MEI4: variants seen among roughly 807,000 people sequenced by gnomAD.
MEI4 encodes the protein meiotic double-stranded break formation protein 4, also known as meiosis-specific protein MEI4.
Under a neutral mutation model 31.4 loss-of-function variants are expected in MEI4, and 27 were observed. The ratio of observed to expected loss-of-function variants is 0.86; its 90% CI spans 0.63 to 1.19. MEI4 has a LOEUF of 1.19. Among genes scored for constraint, MEI4 ranks in the 50% most tolerant of loss-of-function variants. The probability of loss-of-function intolerance (pLI) is 0.00; values close to 1 mark genes in which losing one functional copy is unlikely to be tolerated. For synonymous variants in MEI4, 122 were observed against 145.4 expected (o/e 0.84, Z 1.16); for missense variants, 329 against 398.9 (o/e 0.82, Z 1.49).
At position 77,906,345 on chromosome 6, in the gene MEI4, G is replaced by T. The variant is rs186182701; in HGVS notation, c.901-16744G>T. On this transcript the variant is annotated intron_variant, in intron 4 of 4. Transcript: ENST00000684080. ...TTGGTGTTGAAAGATCATGCCTTAT[G>T]GGGTGGGTGTGTACAGCGGTGCTTG... Among the ~76,000 whole-genome samples the T allele has an allele frequency of 1.9e-4, 29 of 152,236 alleles. 1 individual carries two copies. In the East Asian group the frequency reaches 3.1e-3, roughly 16 times the overall value.
rs184025965 is a variant in MEI4, at chr6:77,744,977, C to G, written c.233-16153C>G. On this transcript the variant is annotated intron_variant, in intron 2 of 4. Transcript: ENST00000684080. Reference sequence around the variant, plus strand: ...AAGAGCTCCTGAAGGAAGCACTAAACATGGAAAGGAACAACCGGTACCAGC... The same window carrying G: ...AAGAGCTCCTGAAGGAAGCACTAAAGATGGAAAGGAACAACCGGTACCAGC... Among the ~76,000 whole-genome samples, 265 of 152,266 alleles carry G rather than the reference C, an allele frequency of 1.7e-3. 1 individual carries two copies. The highest frequency in any genetic ancestry group is 6.0e-3 in the African/African-American group (248 of 41,552).
At position 77,885,319 on chromosome 6, in the gene MEI4, G is replaced by A. The variant is rs1170457060; in HGVS notation, c.901-37770G>A. ...TCTCACTTTGGCCTCCCAGGTAGTT[G>A]GGACTACAGGTATGCACCACCATGC... is the stretch of plus-strand genomic sequence containing the variant. On this transcript the variant is annotated intron_variant, in intron 4 of 4. Transcript: ENST00000684080. Among the ~76,000 whole-genome samples, 5 of 151,880 alleles carry A rather than the reference G, an allele frequency of 3.3e-5. No individual in the cohort carries two copies. In the East Asian group the frequency reaches 5.8e-4, roughly 18 times the overall value.
intron 3 of MEI4, among the ~76,000 whole-genome samples, chr6:77,791,978 A>G (rs1178024385): frequency 6.6e-6 from 1 of 152,146 alleles, no homozygotes; most frequent in Admixed American, 6.6e-5. Flanking sequence ...GATAACCACC[A>G]TAGTACTCTT....
chr6:77,797,825 C>G (rs1435411238), intron 3 of MEI4, among the ~76,000 whole-genome samples: 1 of 152,146 alleles, frequency 6.6e-6, no homozygotes, highest in Non-Finnish European at 1.5e-5. Flanking sequence ...TGCCAGTCCA[C>G]TGACTCAAAT....
intron 2 of MEI4, among the ~76,000 whole-genome samples, chr6:77,745,150 C>G (rs1290532015): frequency 2.6e-5 from 4 of 152,110 alleles, no homozygotes; most frequent in Non-Finnish European, 4.4e-5. Context: ...GGACTAAATG[C>G]TCCAATTAAA....
At chr6:77,869,081 T>C (rs1421018263) in intron 4 of MEI4, among the ~76,000 whole-genome samples, 1 of 152,144 alleles carries the variant, frequency 6.6e-6, no homozygotes, top group Non-Finnish European at 1.5e-5. Flanking sequence ...ATCAGCTCTG[T>C]GCCAGAGACT....
intron 3 of MEI4, among the ~76,000 whole-genome samples, chr6:77,789,627 G>T (rs9361283): frequency 0.17 from 25,859 of 152,018 alleles, 2,744 homozygotes; most frequent in East Asian, 0.4. Flanking sequence ...AAGAAGACAT[G>T]TATGCAGCCA....
At chr6:77,917,341 G>T (rs1411312674) in intron 4 of MEI4, among the ~76,000 whole-genome samples, 1 of 150,092 alleles carries the variant, frequency 6.7e-6, no homozygotes, top group Non-Finnish European at 1.5e-5. Flanking sequence ...CTGAGGAATC[G>T]CCACACTGAC....
At chr6:77,664,231 T>G (rs1420643436) in intron 1 of MEI4, among the ~76,000 whole-genome samples, 1 of 152,154 alleles carries the variant, frequency 6.6e-6, no homozygotes, top group Admixed American at 6.5e-5. Flanking sequence ...TGGAGTTTTA[T>G]TTAATGTTGG....
intron 1 of MEI4, among the ~76,000 whole-genome samples, chr6:77,663,072 G>T (rs1768543131): frequency 6.6e-6 from 1 of 152,120 alleles, no homozygotes; most frequent in African/African-American, 2.4e-5. Context: ...TATAGAGGCA[G>T]GTATTGAGGA....
chr6:77,696,586 G>C (rs1441550453), intron 2 of MEI4, among the ~76,000 whole-genome samples: 1 of 151,286 alleles, frequency 6.6e-6, no homozygotes, highest in Non-Finnish European at 1.5e-5. Flanking sequence ...TGCGTATATT[G>C]AACCAGCCTT....
intron 1 of MEI4, among the ~76,000 whole-genome samples, chr6:77,657,492 G>GCA (rs3049291): frequency 0.78 from 117,905 of 151,842 alleles, 46,062 homozygotes; most frequent in African/African-American, 0.87. Flanking sequence ...TATTCTTTGT[G>GCA]CACTGTCAGC....
chr6:77,773,491 G>C (rs959586711), intron 3 of MEI4, among the ~76,000 whole-genome samples: 2 of 151,962 alleles, frequency 1.3e-5, no homozygotes, highest in African/African-American at 2.4e-5. Context: ...ATGTAAAGGA[G>C]TGATACTAGA....
intron 4 of MEI4, among the ~76,000 whole-genome samples, chr6:77,886,376 A>G (rs550831824): frequency 1.3e-5 from 2 of 151,468 alleles, no homozygotes; most frequent in African/African-American, 4.8e-5. Flanking sequence ...TCTCAAGTCA[A>G]TCTTGGTAGG....
chr6:77,778,021 AG>A (rs1315870670), intron 3 of MEI4, among the ~76,000 whole-genome samples: 1 of 152,002 alleles, frequency 6.6e-6, no homozygotes, highest in Non-Finnish European at 1.5e-5. Context: ...AAAATGGAAA[AG>A]ATACATAGTA....
chr6:77,855,251 A>G (rs1038217692), intron 4 of MEI4, among the ~76,000 whole-genome samples: 1 of 152,172 alleles, frequency 6.6e-6, no homozygotes, highest in African/African-American at 2.4e-5. Context: ...AGGCTGAAGC[A>G]GGACAATTGC....
At chr6:77,752,746 GA>G (rs1014391492) in intron 2 of MEI4, among the ~76,000 whole-genome samples, 1 of 151,946 alleles carries the variant, frequency 6.6e-6, no homozygotes, top group African/African-American at 2.4e-5. Context: ...CACAGAATTG[GA>G]AAAAAACTAA....
intron 2 of MEI4, among the ~76,000 whole-genome samples, chr6:77,744,833 G>T (rs1277842962): frequency 1.3e-5 from 2 of 152,184 alleles, no homozygotes; most frequent in South Asian, 4.1e-4. Flanking sequence ...TTAAAGGAAA[G>T]AATTTTCAAC....
chr6:77,791,896 A>G (rs1168450291), intron 3 of MEI4, among the ~76,000 whole-genome samples: 1 of 152,106 alleles, frequency 6.6e-6, no homozygotes, highest in African/African-American at 2.4e-5. Flanking sequence ...TCTAACTGAA[A>G]TTTGGACCAA....
Sources: allele counts gnomAD v4.1 joint callset (sites outside exome capture counted in the v4.1 genomes callset), GRCh38; gene constraint gnomAD v4.1.1; transcripts MANE v1.5; gene names NCBI Gene and HGNC (gene_info 2026-07-23, HGNC 2026-07-21).